ULK4: variants seen among roughly 807,000 people sequenced by gnomAD.
The protein encoded by ULK4 is unc-51 like kinase 4, also known as inactive serine/threonine-protein kinase ULK4.
ULK4 carries 133 observed loss-of-function variants against 160.6 expected under a neutral mutation model. The ratio of observed to expected loss-of-function variants is 0.83; its 90% CI spans 0.72 to 0.96. The LOEUF (loss-of-function observed/expected upper bound fraction) is 0.96, where lower values mean the gene tolerates loss of function less well. Among genes scored for constraint, ULK4 ranks in the 40% least tolerant of loss-of-function variants. ULK4 has a pLI of 0.00. For synonymous variants in ULK4, 534 were observed against 539.8 expected (o/e 0.99, Z 0.15); for missense variants, 1,580 against 1,499.5 (o/e 1.05, Z -0.89).
chr3:41,869,650 T>A (rs1697021516), intron 17 of ULK4, among the ~76,000 whole-genome samples: 1 of 152,124 alleles, frequency 6.6e-6, no homozygotes, highest in Admixed American at 6.6e-5. Context: ...TACAATAAAA[T>A]CCACATTAAA....
chr3:41,265,522 T>G (rs532076294), intron 35 of ULK4, among the ~76,000 whole-genome samples: 1 of 152,272 alleles, frequency 6.6e-6, no homozygotes, highest in African/African-American at 2.4e-5. Flanking sequence ...AAAGGAAAAT[T>G]GAAGCACACT....
At chr3:41,837,180 T>C (rs1037569974) in intron 17 of ULK4, among the ~76,000 whole-genome samples, 1 of 152,220 alleles carries the variant, frequency 6.6e-6, no homozygotes, top group African/African-American at 2.4e-5. Flanking sequence ...AGCTGCACAG[T>C]AGTCATGCAC....
At chr3:41,495,516 G>A (rs529824023) in intron 32 of ULK4, among the ~76,000 whole-genome samples, 358 of 151,530 alleles carry the variant, frequency 2.4e-3, no homozygotes, top group East Asian at 0.013. Flanking sequence ...ACATAGGCAT[G>A]GGCAAGGACT....
chr3:41,530,436 G>A (rs1333434014), intron 32 of ULK4, among the ~76,000 whole-genome samples: 1 of 152,120 alleles, frequency 6.6e-6, no homozygotes, highest in Admixed American at 6.5e-5. Context: ...TTATTTTGGT[G>A]GTATTGACTA....
At chr3:41,876,856 G>A (rs1351395621) in intron 17 of ULK4, among the ~76,000 whole-genome samples, 1 of 152,166 alleles carries the variant, frequency 6.6e-6, no homozygotes, top group African/African-American at 2.4e-5. Flanking sequence ...GGCACAAAGG[G>A]AGAGAACAGT....
chr3:41,705,767 T>G (rs1026864299), intron 25 of ULK4, among the ~76,000 whole-genome samples: 2 of 152,214 alleles, frequency 1.3e-5, no homozygotes, highest in African/African-American at 4.8e-5. Context: ...AGAATCATTT[T>G]TAAATATACA....
intron 31 of ULK4, among the ~76,000 whole-genome samples, chr3:41,567,401 G>A (rs1249254130): frequency 6.6e-6 from 1 of 151,694 alleles, no homozygotes; most frequent in African/African-American, 2.4e-5. Context: ...TTTGAAATAG[G>A]GTGCTCAGGA....
chr3:41,351,864 G>A (rs1197591404), intron 35 of ULK4, among the ~76,000 whole-genome samples: 3 of 152,122 alleles, frequency 2.0e-5, no homozygotes, highest in Non-Finnish European at 2.9e-5. Context: ...CCCTGTCTAG[G>A]TCATCTGCTT....
intron 31 of ULK4, among the ~76,000 whole-genome samples, chr3:41,596,945 C>T (rs1237773431): frequency 1.3e-5 from 2 of 152,182 alleles, no homozygotes; most frequent in South Asian, 2.1e-4. Context: ...CTCTGTGCAC[C>T]GTACACTATT....
intron 30 of ULK4, among the ~76,000 whole-genome samples, chr3:41,649,275 T>C (rs953457536): frequency 1.3e-5 from 2 of 152,148 alleles, no homozygotes; most frequent in African/African-American, 4.8e-5. Context: ...AGATGCCAGC[T>C]GTAGTGGGGG....
chr3:41,470,984 T>G (rs1344200671), intron 32 of ULK4, among the ~76,000 whole-genome samples: 1 of 152,104 alleles, frequency 6.6e-6, no homozygotes, highest in Non-Finnish European at 1.5e-5. Context: ...ATAATTACCT[T>G]GAATGTAAAC....
chr3:41,280,625 A>C (rs974022751), intron 35 of ULK4, among the ~76,000 whole-genome samples: 2 of 152,242 alleles, frequency 1.3e-5, no homozygotes, highest in Admixed American at 1.3e-4. Context: ...ACAAAGACAC[A>C]ATGTACCAGA....
At chr3:41,885,966 C>T (rs1479184535) in intron 16 of ULK4, among the ~76,000 whole-genome samples, 7 of 152,160 alleles carry the variant, frequency 4.6e-5, no homozygotes, top group Non-Finnish European at 8.8e-5. Context: ...GTGTGAGCTA[C>T]TGCATCTGGC....
intron 30 of ULK4, among the ~76,000 whole-genome samples, chr3:41,619,372 G>T (rs1047355778): frequency 3.3e-5 from 5 of 152,082 alleles, no homozygotes; most frequent in African/African-American, 1.2e-4. Flanking sequence ...CACATAATTA[G>T]AAGTAAACAC....
intron 30 of ULK4, among the ~76,000 whole-genome samples, chr3:41,617,104 G>A (rs2033012973): frequency 1.3e-5 from 2 of 152,220 alleles, no homozygotes; most frequent in Admixed American, 1.3e-4. Flanking sequence ...GCCCAAGTCA[G>A]GGGCTTACAG....
At chr3:41,342,278 G>T (rs1193780862) in intron 35 of ULK4, among the ~76,000 whole-genome samples, 2 of 152,188 alleles carry the variant, frequency 1.3e-5, no homozygotes, top group African/African-American at 2.4e-5. Flanking sequence ...AGAGAGATCA[G>T]AATGGAGAGG....
intron 35 of ULK4, among the ~76,000 whole-genome samples, chr3:41,318,428 C>T (rs4973876): frequency 0.18 from 26,897 of 151,952 alleles, 3,034 homozygotes; most frequent in African/African-American, 0.32. Context: ...TAAGTAGGCA[C>T]AGTTGTATCT....
intron 7 of ULK4, 50 bp from the exon 8 acceptor site, chr3:41,916,102 T>A (rs374533688): frequency 7.4e-6 from 9 of 1,214,892 alleles, no homozygotes; most frequent in Non-Finnish European, 1.2e-6. Context: ...TAAATACATA[T>A]CAATTTTATT....
At chr3:41,554,025 A>G (rs145985782) in intron 32 of ULK4, among the ~76,000 whole-genome samples, 48 of 152,046 alleles carry the variant, frequency 3.2e-4, no homozygotes, top group Non-Finnish European at 5.9e-4. Flanking sequence ...TATTCTATCT[A>G]TCTCCATAAG....
Sources: allele counts gnomAD v4.1 joint callset (sites outside exome capture counted in the v4.1 genomes callset), GRCh38; gene constraint gnomAD v4.1.1; transcripts MANE v1.5; gene names NCBI Gene and HGNC (gene_info 2026-07-23, HGNC 2026-07-21).